The following SLC24A3 variants were observed in gnomAD, a reference collection of about 807,000 sequenced individuals.
SLC24A3 encodes solute carrier family 24 member 3, also known as sodium/potassium/calcium exchanger 3.
Under a neutral mutation model 75.8 loss-of-function variants are expected in SLC24A3, and 28 were observed. That is an observed-to-expected ratio of 0.37 (90% CI 0.27 to 0.51). SLC24A3 has a LOEUF of 0.51. Among genes scored for constraint, SLC24A3 ranks in the 20% least tolerant of loss-of-function variants. SLC24A3 has a pLI of 0.94. For synonymous variants in SLC24A3, 372 were observed against 334.1 expected (o/e 1.11, Z -1.24); for missense variants, 663 against 847.8 (o/e 0.78, Z 2.71).
rs138515324 is a variant in SLC24A3 at position 19,554,592 on chromosome 20, GAGTTGTTGTT to G, written c.349-25406_349-25397del. On this transcript the variant is annotated intron_variant, in intron 3 of 16. Transcript: ENST00000328041. ...GCTTGCTAATAATGTCTGTTTGACG[GAGTTGTTGTT>G]AAGCCTAAATAGGAAACCATGCAAA... Among the ~76,000 whole-genome samples the G allele has an allele frequency of 7.0e-4, 106 of 152,320 alleles. No homozygotes were observed. The East Asian group carries it at 0.02, about 28-fold the overall frequency.
chr20:19,541,377 C>T (rs2030494351), intron 3 of SLC24A3, among the ~76,000 whole-genome samples: 1 of 152,152 alleles, frequency 6.6e-6, no homozygotes, highest in Non-Finnish European at 1.5e-5. Flanking sequence ...CTCTTTTTTC[C>T]CACTTTTAGG....
chr20:19,304,890 G>A (rs925540413), intron 2 of SLC24A3, among the ~76,000 whole-genome samples: 9 of 152,184 alleles, frequency 5.9e-5, no homozygotes, highest in Admixed American at 2.6e-4. Context: ...AAACTTGAAC[G>A]TGACTATTTT....
At position 19,614,964 on chromosome 20, in the gene SLC24A3, A is replaced by G. The variant is rs8114545; in HGVS notation, c.612+29420A>G. ...ATTAGTGAATCTCTTCTGTTTGCTC[A>G]TCATCCAAACCATAATCTTTTTGTT... On this transcript the variant is annotated intron_variant, in intron 6 of 16. Coordinates refer to ENST00000328041, the MANE Select transcript of SLC24A3 (RefSeq NM_020689.4). 9.0e-3 allele frequency among the ~76,000 whole-genome samples: 1,366 copies of G among 152,312 alleles called. 28 individuals are homozygous for G. Among genetic ancestry groups the G allele is most frequent in the African/African-American group, 0.031 (1,289 of 41,562 alleles).
chr20:19,519,186 C>T (rs1179840013), intron 3 of SLC24A3, among the ~76,000 whole-genome samples: 2 of 152,228 alleles, frequency 1.3e-5, no homozygotes, highest in African/African-American at 4.8e-5. Flanking sequence ...TGCCCCTTTC[C>T]ATTTGGGCCC....
At chr20:19,579,135 G>A (rs2031182198) in intron 3 of SLC24A3, among the ~76,000 whole-genome samples, 2 of 152,322 alleles carry the variant, frequency 1.3e-5, no homozygotes, top group South Asian at 4.1e-4. Context: ...AAAGGATAGG[G>A]TCACCTTCCA....
intron 2 of SLC24A3, among the ~76,000 whole-genome samples, chr20:19,402,181 A>G (rs550816949): frequency 2.0e-5 from 3 of 152,340 alleles, no homozygotes; most frequent in African/African-American, 7.2e-5. Flanking sequence ...TCTAATCTAA[A>G]GATTAGACAG....
At chr20:19,256,768 C>CAAAAA (rs11475395) in intron 1 of SLC24A3, among the ~76,000 whole-genome samples, 4 of 80,294 alleles carry the variant, frequency 5.0e-5, no homozygotes, top group East Asian at 2.9e-4. Flanking sequence ...GACGTTGTCT[C>CAAAAA]AAAAAAAAAA....
At chr20:19,229,186 G>A (rs535487309) in intron 1 of SLC24A3, among the ~76,000 whole-genome samples, 4 of 151,952 alleles carry the variant, frequency 2.6e-5, no homozygotes, top group Non-Finnish European at 4.4e-5. Context: ...AATTTGTTCT[G>A]TAATTGAGAT....
At chr20:19,496,097 C>T (rs911919743) in intron 2 of SLC24A3, among the ~76,000 whole-genome samples, 5 of 152,218 alleles carry the variant, frequency 3.3e-5, no homozygotes, top group Non-Finnish European at 4.4e-5. Context: ...CTCTGGGACA[C>T]CCCGGCTCCC....
Position 19,578,570 on chromosome 20 carries a change from T to C in SLC24A3, c.349-1430T>C, listed in dbSNP as rs369025821. Among the ~76,000 whole-genome samples the C allele has an allele frequency of 6.6e-5, 10 of 151,966 alleles. 2 individuals carry two copies. ...TGACTCTCCACTGTGTGACAGGGCA[T>C]GGATGTTCTATGGCTATACTGGGTC... On this transcript the variant is annotated intron_variant, in intron 3 of 16. Coordinates refer to ENST00000328041, the MANE Select transcript of SLC24A3 (RefSeq NM_020689.4).
intron 3 of SLC24A3, among the ~76,000 whole-genome samples, chr20:19,563,090 G>A (rs931240118): frequency 8.5e-5 from 13 of 152,242 alleles, no homozygotes; most frequent in Middle Eastern, 6.8e-3. Context: ...GGATCTCCAC[G>A]TGACAGAAGT....
intron 1 of SLC24A3, among the ~76,000 whole-genome samples, chr20:19,239,640 A>T (rs985872611): frequency 1.3e-4 from 20 of 152,310 alleles, no homozygotes; most frequent in African/African-American, 4.8e-4. Flanking sequence ...CATCAATTGC[A>T]TGTCTGCAGG....
At chr20:19,486,187 C>T (rs1988124658) in intron 2 of SLC24A3, among the ~76,000 whole-genome samples, 1 of 152,136 alleles carries the variant, frequency 6.6e-6, no homozygotes, top group Non-Finnish European at 1.5e-5. Flanking sequence ...CCTTCTAGTC[C>T]ATGGTACTAA....
At chr20:19,307,397 G>C (rs1984357423) in intron 2 of SLC24A3, among the ~76,000 whole-genome samples, 1 of 152,162 alleles carries the variant, frequency 6.6e-6, no homozygotes, top group African/African-American at 2.4e-5. Flanking sequence ...TGTTAAGAGT[G>C]ATCTTTTAAA....
chr20:19,593,862 A>G (rs2031415522), intron 6 of SLC24A3, among the ~76,000 whole-genome samples: 1 of 152,200 alleles, frequency 6.6e-6, no homozygotes, highest in African/African-American at 2.4e-5. Context: ...GGCAGCCCAG[A>G]AAATGCCTTC....
At chr20:19,584,879 C>T (rs889361585) in intron 4 of SLC24A3, 92 bp from the exon 5 acceptor site, 22 of 1,174,314 alleles carry the variant, frequency 1.9e-5, no homozygotes, top group African/African-American at 1.2e-4. Context: ...CCAGTCTTTG[C>T]TTCTCAGGGC....
At chr20:19,523,634 C>T (rs2030143947) in intron 3 of SLC24A3, among the ~76,000 whole-genome samples, 1 of 152,192 alleles carries the variant, frequency 6.6e-6, no homozygotes, top group Admixed American at 6.5e-5. Flanking sequence ...TTAGAGCATG[C>T]CCTTGCAGTG....
At chr20:19,419,950 GTATATCTCCCAA>G (rs1447922397) in intron 2 of SLC24A3, among the ~76,000 whole-genome samples, 1 of 115,550 alleles carries the variant, frequency 8.7e-6, no homozygotes, top group East Asian at 2.8e-4. Context: ...CTAGCATTAG[GTATATCTCCCAA>G]TGCTATCCCT....
At chr20:19,315,278 T>TGCG (rs544975303) in intron 2 of SLC24A3, among the ~76,000 whole-genome samples, 324 of 152,280 alleles carry the variant, frequency 2.1e-3, no homozygotes, top group Non-Finnish European at 3.6e-3. Flanking sequence ...GAAAGGAGGC[T>TGCG]GCGGCAGCAG....
Sources: gnomAD v4.1 joint callset for allele counts (sites outside exome capture counted in the v4.1 genomes callset) on GRCh38, gnomAD v4.1.1 for gene constraint, MANE v1.5 for transcripts, NCBI Gene and HGNC (gene_info 2026-07-23, HGNC 2026-07-21) for gene names.